The following INPP4B variants were observed in gnomAD, a reference collection of about 807,000 sequenced individuals.
INPP4B encodes inositol polyphosphate-4-phosphatase type II B, also known as inositol polyphosphate 4-phosphatase type II.
A neutral mutation model predicts 122.5 loss-of-function variants in INPP4B; 55 were observed. That is an observed-to-expected ratio of 0.45 (90% CI 0.36 to 0.56). The LOEUF is 0.56. Among genes scored for constraint, INPP4B ranks in the 20% least tolerant of loss-of-function variants. The pLI is 0.00. For missense variants in INPP4B, 1,000 were observed against 1,097.7 expected, an observed-to-expected ratio of 0.91 and a Z score of 1.26; for synonymous variants, 403 against 388.7, an observed-to-expected ratio of 1.04 and a Z score of -0.43.
intron 16 of INPP4B, among the ~76,000 whole-genome samples, chr4:142,170,062 T>C (rs1301130926): frequency 6.6e-6 from 1 of 151,658 alleles, no homozygotes; most frequent in African/African-American, 2.4e-5. Flanking sequence ...TTTTCCTTCA[T>C]AGAATTGCAT....
At chr4:142,738,923 T>C (rs1237113861) in intron 1 of INPP4B, among the ~76,000 whole-genome samples, 1 of 152,138 alleles carries the variant, frequency 6.6e-6, no homozygotes, top group Non-Finnish European at 1.5e-5. Context: ...TTTTCTTAGC[T>C]ATCAAGTATT....
At chr4:142,409,313 C>G (rs1223388114) in intron 5 of INPP4B, among the ~76,000 whole-genome samples, 2 of 151,982 alleles carry the variant, frequency 1.3e-5, no homozygotes, top group Non-Finnish European at 2.9e-5. Context: ...GCCAACATGG[C>G]AAAACCCCAT....
chr4:142,149,864 T>C (rs188268352), intron 17 of INPP4B, among the ~76,000 whole-genome samples: 1 of 152,316 alleles, frequency 6.6e-6, no homozygotes, highest in East Asian at 1.9e-4. Context: ...CCCAGATCCA[T>C]TCATGTGACC....
At chr4:142,086,411 C>A (rs1446954584) in intron 23 of INPP4B, among the ~76,000 whole-genome samples, 155 bp from the exon 24 acceptor site, 1 of 152,154 alleles carries the variant, frequency 6.6e-6, no homozygotes, top group East Asian at 1.9e-4. Context: ...CAATGGGGCC[C>A]AATCTCTGCT....
chr4:142,587,531 C>A (rs933895029), intron 2 of INPP4B, among the ~76,000 whole-genome samples: 3 of 151,992 alleles, frequency 2.0e-5, no homozygotes, highest in East Asian at 3.9e-4. Flanking sequence ...GATACCAATT[C>A]TTTTTTAAGA....
intron 1 of INPP4B, among the ~76,000 whole-genome samples, chr4:142,811,255 A>G (rs951242490): frequency 6.6e-6 from 1 of 152,148 alleles, no homozygotes; most frequent in Non-Finnish European, 1.5e-5. Flanking sequence ...GCCTCAGAGG[A>G]GCATAATGCA....
chr4:142,221,244 C>CA (rs1454205825), intron 12 of INPP4B, among the ~76,000 whole-genome samples: 11 of 151,574 alleles, frequency 7.3e-5, no homozygotes, highest in Non-Finnish European at 1.5e-4. Flanking sequence ...CTAAAAAATA[C>CA]AAAAAATTAG....
At chr4:142,270,819 C>T (rs1193978087) in intron 9 of INPP4B, 45 bp from the exon 10 acceptor site, 1 of 1,287,576 alleles carries the variant, frequency 7.8e-7, no homozygotes, top group Non-Finnish European at 1.1e-6. Context: ...AAGCTTCTCT[C>T]TCCCCCAAAA....
chr4:142,318,962 C>G (rs1483459320), intron 7 of INPP4B, among the ~76,000 whole-genome samples: 1 of 152,158 alleles, frequency 6.6e-6, no homozygotes, highest in South Asian at 2.1e-4. Flanking sequence ...TCAGACTAGT[C>G]AACCTTGTTA....
At chr4:142,750,435 A>G (rs1769515245) in intron 1 of INPP4B, among the ~76,000 whole-genome samples, 1 of 152,168 alleles carries the variant, frequency 6.6e-6, no homozygotes, top group Admixed American at 6.6e-5. Flanking sequence ...TCATTTACCA[A>G]GTGGATGGAA....
At chr4:142,186,018 A>T (rs1006070606) in intron 15 of INPP4B, among the ~76,000 whole-genome samples, 4 of 152,128 alleles carry the variant, frequency 2.6e-5, no homozygotes, top group African/African-American at 9.7e-5. Flanking sequence ...AGGTGGTTCT[A>T]ATCAAAAACT....
intron 25 of INPP4B, among the ~76,000 whole-genome samples, chr4:142,072,621 G>T (rs1308274472): frequency 1.3e-5 from 2 of 151,160 alleles, no homozygotes; most frequent in Non-Finnish European, 2.9e-5. Context: ...CAATGTGATA[G>T]GAAGCTGCCA....
Position 142,309,378 on chromosome 4 carries a change from G to A in INPP4B, c.424-3841C>T, listed in dbSNP as rs1416627451. On this transcript the variant is annotated intron_variant, in intron 8 of 25. Transcript: ENST00000262992. ...AAAAAAGATGAAAAAAGATACAAAG[G>A]CCAAAAGGTACTATGTAGTTATGAA... 7.9e-5 allele frequency among the ~76,000 whole-genome samples: 12 copies of A among 151,956 alleles called. No individual in the cohort carries two copies. In the South Asian group the frequency reaches 1.0e-3, roughly 13 times the overall value.
At chr4:142,298,532 A>T (rs1759841038) in intron 9 of INPP4B, among the ~76,000 whole-genome samples, 1 of 151,888 alleles carries the variant, frequency 6.6e-6, no homozygotes, top group African/African-American at 2.4e-5. Context: ...TAAAAATACA[A>T]AAATTAGCCA....
In INPP4B at chr4:142,545,827, A is replaced by G. The variant is rs1560782777; in HGVS notation, c.-190-83101T>C. Among the ~76,000 whole-genome samples the G allele has an allele frequency of 2.7e-5, 4 of 148,438 alleles. No homozygotes were observed. The South Asian group carries it at 8.4e-4, about 31-fold the overall frequency. On this transcript the variant is annotated intron_variant, in intron 2 of 25. Transcript: ENST00000262992. Reference sequence around the variant, plus strand: ...TATACACATATACATGTGTGTATATATATATATATAAAATGGTCTGTTGTT... The same window carrying G: ...TATACACATATACATGTGTGTATATGTATATATATAAAATGGTCTGTTGTT...
chr4:142,082,804 A>T (rs1025036632), intron 24 of INPP4B, among the ~76,000 whole-genome samples: 2 of 152,142 alleles, frequency 1.3e-5, no homozygotes, highest in Admixed American at 1.3e-4. Context: ...CAACACTAAG[A>T]AATTTCATAT....
intron 1 of INPP4B, among the ~76,000 whole-genome samples, chr4:142,739,982 A>G (rs1172582930): frequency 6.6e-6 from 1 of 152,040 alleles, no homozygotes; most frequent in East Asian, 1.9e-4. Flanking sequence ...AGAGGATGGA[A>G]CTTTTACTAC....
At chr4:142,691,605 T>C (rs1193842211) in intron 2 of INPP4B, among the ~76,000 whole-genome samples, 2 of 152,156 alleles carry the variant, frequency 1.3e-5, no homozygotes, top group Non-Finnish European at 2.9e-5. Flanking sequence ...CTCAGAATCC[T>C]GGTTACCTGA....
intron 11 of INPP4B, among the ~76,000 whole-genome samples, chr4:142,248,650 G>A (rs112452352): frequency 0.033 from 4,310 of 130,500 alleles, 173 homozygotes; most frequent in African/African-American, 0.11. Context: ...GTGTGTGTGT[G>A]TATGTGTGTG....
Sources: allele counts gnomAD v4.1 joint callset (sites outside exome capture counted in the v4.1 genomes callset), GRCh38; gene constraint gnomAD v4.1.1; transcripts MANE v1.5; gene names NCBI Gene and HGNC (gene_info 2026-07-23, HGNC 2026-07-21).